Variants in BLK observed in about 807,000 individuals in gnomAD.
BLK encodes the protein BLK proto-oncogene, Src family tyrosine kinase, also known as tyrosine-protein kinase Blk.
BLK carries 64 observed loss-of-function variants against 61.8 expected under a neutral mutation model. The ratio of observed to expected loss-of-function variants is 1.03; its 90% CI spans 0.85 to 1.27. The LOEUF (loss-of-function observed/expected upper bound fraction) is 1.27, where lower values mean the gene tolerates loss of function less well. Among genes scored for constraint, BLK ranks in the 50% most tolerant of loss-of-function variants. The pLI, the probability that BLK is intolerant of heterozygous loss-of-function variation, is 0.00. For synonymous variants in BLK, 351 were observed against 272.0 expected, an observed-to-expected ratio of 1.29 and a Z score of -2.86; for missense variants, 853 against 660.5, an observed-to-expected ratio of 1.29 and a Z score of -3.19.
intron 3 of BLK, 28 bp downstream of exon 3, chr8:11,546,131 G>A (rs752656205): frequency 1.2e-6 from 2 of 1,613,428 alleles, no homozygotes. Flanking sequence ...GGAAGCTGAG[G>A]CTCCACAGCC....
chr8:11,516,675 C>G (rs887163614), intron 1 of BLK, among the ~76,000 whole-genome samples: 2 of 152,200 alleles, frequency 1.3e-5, no homozygotes, highest in African/African-American at 4.8e-5. Flanking sequence ...TAGGTGGAAT[C>G]ATACAGTGTT....
intron 2 of BLK, 22 bp from the exon 3 acceptor site, chr8:11,546,030 A>G (rs762337317): frequency 6.2e-7 from 1 of 1,613,456 alleles, no homozygotes; most frequent in East Asian, 2.2e-5. Flanking sequence ...GAAATAACTC[A>G]AGTGTGTGTT....
intron 1 of BLK, among the ~76,000 whole-genome samples, chr8:11,510,069 T>A (rs1208494283): frequency 6.6e-6 from 1 of 152,210 alleles, no homozygotes; most frequent in African/African-American, 2.4e-5. Context: ...CTTCCATATT[T>A]TTGTATCACC....
At chr8:11,546,016 G>T (rs377480038) in intron 2 of BLK, 36 bp from the exon 3 acceptor site, 3 of 1,610,836 alleles carry the variant, frequency 1.9e-6, no homozygotes, top group Non-Finnish European at 2.5e-6. Context: ...ACGCAGCAGG[G>T]ACTGAAATAA....
intron 11 of BLK, 56 bp downstream of exon 11, chr8:11,561,508 T>A: frequency 6.3e-7 from 1 of 1,590,678 alleles, no homozygotes; most frequent in African/African-American, 1.3e-5. Flanking sequence ...TCCCAGCTCC[T>A]CAAAGCCGCC....
chr8:11,559,370 C>A (rs566781945), intron 10 of BLK, among the ~76,000 whole-genome samples: 20 of 149,142 alleles, frequency 1.3e-4, no homozygotes, highest in Admixed American at 1.1e-3. Flanking sequence ...CAGACTCACA[C>A]AGACACGCAA....
chr8:11,559,308 C>T (rs941655681), intron 10 of BLK, among the ~76,000 whole-genome samples: 3 of 144,160 alleles, frequency 2.1e-5, no homozygotes, highest in African/African-American at 5.0e-5. Context: ...CACACTCTCA[C>T]ACACATAAAA....
rs1334454883 is a variant in BLK, at chr8:11,561,360, C to T, written c.1088C>T (p.Ala363Val). Reference sequence around the variant, plus strand: ...AATTCCATCCACCGCGACCTGCGGGCGGCCAACATCCTGGTGTCTGAGGCC... The same window carrying T: ...AATTCCATCCACCGCGACCTGCGGGTGGCCAACATCCTGGTGTCTGAGGCC... ...RMNSIHRDLR[A>V]ANILVSEALC... The change falls in exon 11 of 13, where the codon GCG becomes GTG. Residue 363 changes from alanine (A) to valine (V), a missense_variant. Physicochemically the swap from Ala to Val is moderately conservative, Grantham distance 64. Coordinates refer to ENST00000259089, the MANE Select transcript of BLK (RefSeq NM_001715.3). 9 of 1,614,000 alleles carry T rather than the reference C, an allele frequency of 5.6e-6. No homozygotes were observed. Among genetic ancestry groups the T allele is most frequent in the African/African-American group, 1.3e-5 (1 of 74,946 alleles).
At chr8:11,511,390 A>G (rs1276573708) in intron 1 of BLK, among the ~76,000 whole-genome samples, 2 of 152,088 alleles carry the variant, frequency 1.3e-5, no homozygotes, top group Non-Finnish European at 2.9e-5. Context: ...ACATGTATAC[A>G]TATGTAACAA....
intron 1 of BLK, among the ~76,000 whole-genome samples, chr8:11,541,814 A>G (rs537289982): frequency 6.6e-6 from 1 of 152,266 alleles, no homozygotes; most frequent in East Asian, 1.9e-4. Flanking sequence ...ATAATCTCTT[A>G]TCCAAACTTC....
intron 1 of BLK, among the ~76,000 whole-genome samples, chr8:11,513,945 A>C (rs142545258): frequency 6.6e-6 from 1 of 151,508 alleles, no homozygotes; most frequent in African/African-American, 2.4e-5. Flanking sequence ...AAATAATTCA[A>C]CTCCTTGGTC....
intron 1 of BLK, among the ~76,000 whole-genome samples, chr8:11,532,501 A>T (rs574164892): frequency 2.2e-4 from 34 of 151,170 alleles, no homozygotes; most frequent in Middle Eastern, 3.4e-3. Context: ...ATGAGCCGCC[A>T]CTTCTGGCCT....
In BLK at chr8:11,555,447, G is replaced by A. The variant is rs777128635; in HGVS notation, c.735G>A (p.Arg245=). 3.1e-6 allele frequency: 5 copies of A among 1,614,088 alleles called. No individual in the cohort carries two copies. Among genetic ancestry groups the A allele is most frequent in the Admixed American group, 1.7e-5 (1 of 60,012 alleles). ...CCCGGCAGTCTCTCAGGCTGGTCAG[G>A]AAACTCGGGTCTGGACAATTCGGCG... is the stretch of plus-strand genomic sequence containing the variant. The part of the protein sequence containing the change: ...EIPRQSLRLV[R]KLGSGQFGEV... Residue 245 remains arginine, a synonymous_variant, in exon 8 of 13, where the codon AGG becomes AGA. Coordinates refer to ENST00000259089, the MANE Select transcript of BLK (RefSeq NM_001715.3).
In BLK at chr8:11,546,136, A is replaced by G. The variant is rs1273814690; in HGVS notation, c.175+33A>G. ...GGGTGGTTTGGGAAGCTGAGGCTCC[A>G]CAGCCCTCTCCCCTAGGTGGCAGCT... is the stretch of plus-strand genomic sequence containing the variant. On this transcript the variant is annotated intron_variant, in intron 3 of 12. Coordinates refer to ENST00000259089, the MANE Select transcript of BLK (RefSeq NM_001715.3). The G allele has an allele frequency of 5.0e-6, 8 of 1,612,298 alleles. 1 individual carries two copies. In the East Asian group the frequency reaches 1.8e-4, roughly 36 times the overall value.
At chr8:11,512,157 T>C (rs1799035923) in intron 1 of BLK, among the ~76,000 whole-genome samples, 2 of 152,232 alleles carry the variant, frequency 1.3e-5, no homozygotes. Context: ...AGTTCTATGC[T>C]ACTGGTCTGT....
At chr8:11,527,152 GC>G (rs960052364) in intron 1 of BLK, among the ~76,000 whole-genome samples, 1 of 151,544 alleles carries the variant, frequency 6.6e-6, no homozygotes, top group African/African-American at 2.4e-5. Context: ...ACAGCAATAA[GC>G]TTTTTCTACC....
chr8:11,501,588 T>G lies in BLK; in HGVS notation c.-2+6997T>G, dbSNP rs116933718. ...TACATAAGTTTATAGTAACATGTAC[T>G]GATATAAAGGATGCGTAGCACTTAA... is the stretch of plus-strand genomic sequence containing the variant. On this transcript the variant is annotated intron_variant, in intron 1 of 12. Transcript: ENST00000259089. Among the ~76,000 whole-genome samples, 1,009 of 152,366 alleles carry G rather than the reference T, an allele frequency of 6.6e-3. 4 individuals carry two copies. The highest frequency in any genetic ancestry group is 0.01 in the Middle Eastern group (3 of 294).
chr8:11,530,027 T>C (rs757939220), intron 1 of BLK, among the ~76,000 whole-genome samples: 11 of 152,148 alleles, frequency 7.2e-5, no homozygotes, highest in Non-Finnish European at 1.6e-4. Flanking sequence ...AATTTTTCTC[T>C]CTCCAGTTTA....
At chr8:11,550,993 C>G (rs551091197) in intron 6 of BLK, among the ~76,000 whole-genome samples, 4 of 152,286 alleles carry the variant, frequency 2.6e-5, no homozygotes, top group East Asian at 1.9e-4. Flanking sequence ...CTCACTCCCC[C>G]ACTTGGGCTC....
Sources: allele counts gnomAD v4.1 joint callset (sites outside exome capture counted in the v4.1 genomes callset), GRCh38; gene constraint gnomAD v4.1.1; transcripts MANE v1.5; gene names NCBI Gene and HGNC (gene_info 2026-07-23, HGNC 2026-07-21).